The following TRPS1 variants were observed in gnomAD, a reference collection of about 807,000 sequenced individuals.
TRPS1 encodes transcriptional repressor GATA binding 1.
Under a neutral mutation model 101.2 loss-of-function variants are expected in TRPS1, and 6 were observed. The ratio of observed to expected loss-of-function variants is 0.06; its 90% confidence interval spans 0.03 to 0.12. TRPS1 has a LOEUF of 0.12. Among genes scored for constraint, TRPS1 ranks in the 10% least tolerant of loss-of-function variants. TRPS1 has a pLI of 1.00. For missense variants in TRPS1, 1,363 were observed against 1,567.0 expected, an observed-to-expected ratio of 0.87 and a Z score of 2.20; for synonymous variants, 578 against 589.8, an observed-to-expected ratio of 0.98 and a Z score of 0.29.
intron 5 of TRPS1, among the ~76,000 whole-genome samples, chr8:115,491,116 A>G (rs765683268): frequency 3.9e-5 from 6 of 152,182 alleles, no homozygotes; most frequent in Non-Finnish European, 8.8e-5. Flanking sequence ...AACAAAGGAG[A>G]CATCTAAACC....
chr8:115,599,337 TTTTAC>T (rs1817857134), intron 4 of TRPS1, among the ~76,000 whole-genome samples: 2 of 152,168 alleles, frequency 1.3e-5, no homozygotes, highest in Non-Finnish European at 2.9e-5. Flanking sequence ...TTTTTTTTAA[TTTTAC>T]TTTAAGTTTT....
intron 4 of TRPS1, among the ~76,000 whole-genome samples, chr8:115,591,786 C>T (rs1392066131): frequency 2.0e-5 from 3 of 152,166 alleles, no homozygotes; most frequent in East Asian, 1.9e-4. Context: ...CACATTTTAA[C>T]GGAAGGATAT....
intron 5 of TRPS1, among the ~76,000 whole-genome samples, chr8:115,511,677 C>T (rs1053821049): frequency 2.0e-5 from 3 of 151,834 alleles, no homozygotes; most frequent in Non-Finnish European, 2.9e-5. Context: ...GGGCAACTGA[C>T]CCTTTGGTTT....
At chr8:115,471,342 A>G (rs1398847890) in intron 5 of TRPS1, among the ~76,000 whole-genome samples, 1 of 152,170 alleles carries the variant, frequency 6.6e-6, no homozygotes, top group Non-Finnish European at 1.5e-5. Context: ...TGACAAGCAA[A>G]GAGGGAAAAG....
intron 4 of TRPS1, among the ~76,000 whole-genome samples, chr8:115,590,628 T>C (rs10505258): frequency 0.7 from 106,052 of 152,048 alleles, 38,374 homozygotes; most frequent in African/African-American, 0.89. Context: ...ACTGGTGAAA[T>C]GACCAACCAC....
At chr8:115,657,122 C>G (rs563411736) in intron 1 of TRPS1, among the ~76,000 whole-genome samples, 1 of 152,204 alleles carries the variant, frequency 6.6e-6, no homozygotes, top group Non-Finnish European at 1.5e-5. Context: ...AACTGCCTAG[C>G]CAAAAACAAC....
At chr8:115,489,399 A>G (rs1490926661) in intron 5 of TRPS1, among the ~76,000 whole-genome samples, 1 of 152,210 alleles carries the variant, frequency 6.6e-6, no homozygotes, top group Non-Finnish European at 1.5e-5. Flanking sequence ...TGCTTTGCAG[A>G]AAAAAACCAC....
intron 5 of TRPS1, among the ~76,000 whole-genome samples, chr8:115,549,276 T>C (rs1816648652): frequency 1.3e-5 from 2 of 152,222 alleles, no homozygotes; most frequent in South Asian, 4.1e-4. Context: ...TGACAGATCC[T>C]GCTAAATTCA....
intron 5 of TRPS1, among the ~76,000 whole-genome samples, chr8:115,431,393 A>C (rs1434714169): frequency 6.6e-6 from 1 of 152,050 alleles, no homozygotes; most frequent in Non-Finnish European, 1.5e-5. Context: ...TGGTGACCCT[A>C]AAACTCCCTT....
At chr8:115,617,165 T>C (rs1818293490) in intron 3 of TRPS1, among the ~76,000 whole-genome samples, 1 of 152,202 alleles carries the variant, frequency 6.6e-6, no homozygotes, top group African/African-American at 2.4e-5. Flanking sequence ...CAGATTACTT[T>C]TTTCTATTTT....
rs1161916592 is a variant in TRPS1, at chr8:115,533,436, G to GTTTTTTTTTTTTTTTTTTTTTT, written c.2700+53543_2700+53564dup. On this transcript the variant is annotated intron_variant, in intron 5 of 6. Coordinates refer to ENST00000395715, the MANE Select transcript of TRPS1 (RefSeq NM_014112.5). Reference sequence around the variant, plus strand: ...GGGGCCCGCTTCCCACATGTAATCTGTTTTTTTTTTTTTTTTTTTTTTTCC... The same window carrying GTTTTTTTTTTTTTTTTTTTTTT: ...GGGGCCCGCTTCCCACATGTAATCTGTTTTTTTTTTTTTTTTTTTTTTTTTTTTTTTTTTTTTTTTTTTTTCC... Among the ~76,000 whole-genome samples, 2 of 34,984 alleles carry GTTTTTTTTTTTTTTTTTTTTTT rather than the reference G, an allele frequency of 5.7e-5. 1 individual carries two copies. The highest frequency in any genetic ancestry group is 2.1e-4 in the African/African-American group (2 of 9,618). 23.0% of individuals were successfully genotyped at this position (34,984 alleles called of 152,430 possible). A position where few individuals can be genotyped will look rare whatever the true frequency, so the allele number is the denominator to read the frequency against.
intron 3 of TRPS1, among the ~76,000 whole-genome samples, chr8:115,616,831 C>T (rs1365472682): frequency 6.6e-6 from 1 of 152,136 alleles, no homozygotes; most frequent in African/African-American, 2.4e-5. Flanking sequence ...TTAGCCTCCA[C>T]GAAGTTTAAC....
chr8:115,456,923 T>A (rs1814041837), intron 5 of TRPS1, among the ~76,000 whole-genome samples: 1 of 152,170 alleles, frequency 6.6e-6, no homozygotes, highest in Non-Finnish European at 1.5e-5. Context: ...TGTTCAAATC[T>A]GTGCAATCCA....
At chr8:115,490,899 C>G (rs895804205) in intron 5 of TRPS1, among the ~76,000 whole-genome samples, 2 of 152,182 alleles carry the variant, frequency 1.3e-5, no homozygotes, top group African/African-American at 4.8e-5. Flanking sequence ...ATACACAACT[C>G]AAAAGATTCT....
At chr8:115,415,133 T>C (rs1230098647) in intron 6 of TRPS1, 49 bp from the exon 7 acceptor site, 1 of 1,529,302 alleles carries the variant, frequency 6.5e-7, no homozygotes, top group Non-Finnish European at 8.8e-7. Context: ...AAAAAATACA[T>C]TAAAATGCAT....
chr8:115,619,831 T>C lies in TRPS1; in HGVS notation c.267A>G (p.Lys89=). 6.2e-7 allele frequency: 1 copy of C among 1,614,218 alleles called. No individual in the cohort carries two copies. Among genetic ancestry groups the C allele is most frequent in the Non-Finnish European group, 8.5e-7 (1 of 1,180,044 alleles). The change falls in exon 3 of 7, where the codon AAA becomes AAG. Residue 89 remains lysine (K), a synonymous_variant. Transcript: ENST00000395715. ...DPSSSSKKDL[K]SAVLSEKAGF... is the part of the protein sequence containing the mutation. ...CAGCCTTCTCACTCAGAACTGCGCT[T>C]TTCAAGTCCTTCTTACTGCTAGAAG...
intron 1 of TRPS1, among the ~76,000 whole-genome samples, chr8:115,646,887 C>T (rs1339475765): frequency 6.6e-6 from 1 of 152,124 alleles, no homozygotes; most frequent in East Asian, 1.9e-4. Context: ...GTTTTAAATA[C>T]TATAACTTAT....
chr8:115,455,121 AGT>A (rs1281189085), intron 5 of TRPS1, among the ~76,000 whole-genome samples: 2 of 152,210 alleles, frequency 1.3e-5, no homozygotes, highest in Non-Finnish European at 2.9e-5. Context: ...TTAAGGTGTA[AGT>A]GTTCTCATTG....
chr8:115,465,259 C>T (rs577473839), intron 5 of TRPS1, among the ~76,000 whole-genome samples: 6 of 152,136 alleles, frequency 3.9e-5, no homozygotes, highest in Admixed American at 2.6e-4. Context: ...AGCATTACTC[C>T]GAGTTTTAGG....
Sources: allele counts gnomAD v4.1 joint callset (sites outside exome capture counted in the v4.1 genomes callset), GRCh38; gene constraint gnomAD v4.1.1; transcripts MANE v1.5; gene names NCBI Gene and HGNC (gene_info 2026-07-23, HGNC 2026-07-21).